Variants in LRMDA observed in about 807,000 individuals in gnomAD.
The protein encoded by LRMDA is leucine rich melanocyte differentiation associated, also known as leucine-rich melanocyte differentiation-associated protein.
A neutral mutation model predicts 29.8 loss-of-function variants in LRMDA; 18 were observed. The observed-to-expected ratio is 0.60, with a 90% CI of 0.42 to 0.90. The LOEUF (loss-of-function observed/expected upper bound fraction) is 0.90, where lower values mean the gene tolerates loss of function less well. LRMDA is among the 40% of genes least tolerant of loss of function. The probability of loss-of-function intolerance (pLI) is 0.00; values close to 1 mark genes in which losing one functional copy is unlikely to be tolerated. For synonymous variants in LRMDA, 125 were observed against 109.4 expected, an observed-to-expected ratio of 1.14 and a Z score of -0.89; for missense variants, 273 against 273.9, an observed-to-expected ratio of 1.00 and a Z score of 0.02.
chr10:76,168,632 G>A (rs1311119807), intron 5 of LRMDA, among the ~76,000 whole-genome samples: 2 of 151,968 alleles, frequency 1.3e-5, no homozygotes, highest in African/African-American at 4.8e-5. Context: ...AAAGGAAAGG[G>A]GATGATGAGT....
chr10:75,582,635 C>A (rs924118186), intron 2 of LRMDA, among the ~76,000 whole-genome samples: 1 of 152,170 alleles, frequency 6.6e-6, no homozygotes, highest in African/African-American at 2.4e-5. Flanking sequence ...AAGGCATTTC[C>A]CCCATTGTTT....
intron 2 of LRMDA, among the ~76,000 whole-genome samples, chr10:75,811,036 C>A (rs903333161): frequency 6.6e-6 from 1 of 152,142 alleles, no homozygotes; most frequent in Non-Finnish European, 1.5e-5. Flanking sequence ...GTGCCTACTG[C>A]CTTCTCAGTG....
chr10:76,482,288 G>T (rs1469164086), intron 6 of LRMDA, among the ~76,000 whole-genome samples: 1 of 151,874 alleles, frequency 6.6e-6, no homozygotes, highest in African/African-American at 2.4e-5. Context: ...AAAGTGAACA[G>T]ACCTGCAACC....
chr10:76,367,976 T>C (rs905897018), intron 6 of LRMDA, among the ~76,000 whole-genome samples: 2 of 152,216 alleles, frequency 1.3e-5, no homozygotes, highest in African/African-American at 4.8e-5. Context: ...GTGAGGTTAT[T>C]TGGATCTTCT....
chr10:76,088,047 G>A (rs963937617), intron 5 of LRMDA, among the ~76,000 whole-genome samples: 14 of 152,170 alleles, frequency 9.2e-5, no homozygotes, highest in Admixed American at 4.6e-4. Flanking sequence ...TTGAACCCGG[G>A]AGGTTGAGGC....
At chr10:76,527,486 CTGACAAGAT>C (rs777990804) in intron 6 of LRMDA, among the ~76,000 whole-genome samples, 9 of 152,106 alleles carry the variant, frequency 5.9e-5, no homozygotes, top group Non-Finnish European at 1.2e-4. Flanking sequence ...TCCTAAAACA[CTGACAAGAT>C]TCTATTTCAC....
At chr10:75,752,461 T>C (rs896920326) in intron 2 of LRMDA, among the ~76,000 whole-genome samples, 30 of 152,276 alleles carry the variant, frequency 2.0e-4, no homozygotes, top group African/African-American at 6.0e-4. Context: ...TCCACCCACC[T>C]CAGATCCCAA....
At chr10:76,343,226 TGAA>T (rs1435623706) in intron 6 of LRMDA, among the ~76,000 whole-genome samples, 1 of 152,106 alleles carries the variant, frequency 6.6e-6, no homozygotes, top group Non-Finnish European at 1.5e-5. Context: ...ATTTACAGAG[TGAA>T]GAAGTACTTC....
At chr10:76,529,553 TAAAA>T (rs1843212590) in intron 6 of LRMDA, among the ~76,000 whole-genome samples, 2 of 152,154 alleles carry the variant, frequency 1.3e-5, no homozygotes, top group Non-Finnish European at 2.9e-5. Context: ...GTAAGCCTGT[TAAAA>T]ATGTAGATGT....
chr10:76,414,381 T>C (rs763701748), intron 6 of LRMDA, among the ~76,000 whole-genome samples: 1 of 152,190 alleles, frequency 6.6e-6, no homozygotes, highest in Non-Finnish European at 1.5e-5. Flanking sequence ...TATGAAGTTA[T>C]GGTGCTATAC....
chr10:75,728,303 A>G (rs1842653854), intron 2 of LRMDA, among the ~76,000 whole-genome samples: 1 of 152,202 alleles, frequency 6.6e-6, no homozygotes, highest in East Asian at 1.9e-4. Flanking sequence ...AACAGTGATG[A>G]GTGCATTATA....
At chr10:75,531,891 C>A (rs868789283) in intron 2 of LRMDA, among the ~76,000 whole-genome samples, 5 of 149,348 alleles carry the variant, frequency 3.3e-5, no homozygotes, top group South Asian at 2.1e-4. Context: ...AAGACCCTGT[C>A]TCTTAAAAAA....
chr10:76,025,606 G>A (rs1014292069), intron 2 of LRMDA, among the ~76,000 whole-genome samples: 1 of 152,040 alleles, frequency 6.6e-6, no homozygotes, highest in Non-Finnish European at 1.5e-5. Context: ...TGTTGGAAAT[G>A]GATACCACAC....
At chr10:75,597,345 T>A (rs7911525) in intron 2 of LRMDA, among the ~76,000 whole-genome samples, 1 of 151,992 alleles carries the variant, frequency 6.6e-6, no homozygotes, top group African/African-American at 2.4e-5. Context: ...TTTGGAGAAA[T>A]CTTGAGGGTA....
intron 2 of LRMDA, chr10:75,450,150 C>T (rs1336998299): frequency 1.3e-5 from 2 of 152,344 alleles, no homozygotes; most frequent in East Asian, 3.9e-4. Flanking sequence ...TAAAAGGTTT[C>T]TTCCATCCCA....
At chr10:75,871,828 G>A (rs565031823) in intron 2 of LRMDA, among the ~76,000 whole-genome samples, 3 of 152,048 alleles carry the variant, frequency 2.0e-5, no homozygotes, top group Non-Finnish European at 2.9e-5. Context: ...TTTACCCTTT[G>A]TTTTCATCAA....
intron 5 of LRMDA, among the ~76,000 whole-genome samples, chr10:76,165,107 G>T (rs1850715896): frequency 6.6e-6 from 1 of 152,170 alleles, no homozygotes; most frequent in African/African-American, 2.4e-5. Flanking sequence ...CAAGTAGCTG[G>T]GATTACAGGC....
At chr10:75,724,063 AT>A (rs923117005) in intron 2 of LRMDA, among the ~76,000 whole-genome samples, 43 of 152,056 alleles carry the variant, frequency 2.8e-4, no homozygotes, top group African/African-American at 8.9e-4. Context: ...AAAAATTATT[AT>A]TTTTTTTGCC....
chr10:75,723,905 G>A (rs1589171585), intron 2 of LRMDA, among the ~76,000 whole-genome samples: 1 of 152,272 alleles, frequency 6.6e-6, no homozygotes, highest in East Asian at 1.9e-4. Context: ...GCAGTGTAAT[G>A]CCGTAGTAAA....
Sources: allele counts gnomAD v4.1 joint callset (sites outside exome capture counted in the v4.1 genomes callset), GRCh38; gene constraint gnomAD v4.1.1; transcripts MANE v1.5; gene names NCBI Gene and HGNC (gene_info 2026-07-23, HGNC 2026-07-21).